AGAP1: variants seen among roughly 807,000 people sequenced by gnomAD.
AGAP1 encodes the protein ArfGAP with GTPase domain, ankyrin repeat and PH domain 1.
Under a neutral mutation model 105.3 loss-of-function variants are expected in AGAP1, and 29 were observed. That is an observed-to-expected ratio of 0.28 (90% CI 0.21 to 0.38). The LOEUF (loss-of-function observed/expected upper bound fraction) is 0.38, where lower values mean the gene tolerates loss of function less well. Among genes scored for constraint, AGAP1 ranks in the 10% least tolerant of loss-of-function variants. AGAP1 has a pLI of 1.00. For missense variants in AGAP1, 998 were observed against 1,165.1 expected (o/e 0.86, Z 2.09); for synonymous variants, 509 against 485.9 (o/e 1.05, Z -0.63).
At chr2:235,820,211 C>G (rs1281879777) in intron 9 of AGAP1, among the ~76,000 whole-genome samples, 4 of 152,092 alleles carry the variant, frequency 2.6e-5, no homozygotes, top group Non-Finnish European at 5.9e-5. Context: ...TTTTCTTCAC[C>G]AAAACAGATT....
chr2:235,913,412 A>G (rs1468125155), intron 11 of AGAP1, among the ~76,000 whole-genome samples: 1 of 152,214 alleles, frequency 6.6e-6, no homozygotes, highest in Non-Finnish European at 1.5e-5. Context: ...TTATTCAAAT[A>G]AATAATCAAC....
At position 235,787,912 on chromosome 2, in the gene AGAP1, C is replaced by T. The variant is rs185556380; in HGVS notation, c.674-9847C>T. ...AGCATTCTGGGACCAAGAGCCATGACCATGAGCATTCCGGGACCAAGAGCA... is the reference window on the plus strand; with the variant it reads ...AGCATTCTGGGACCAAGAGCCATGATCATGAGCATTCCGGGACCAAGAGCA... On this transcript the variant is annotated intron_variant, in intron 6 of 17. Transcript: ENST00000304032. This position sits in a 1 kb window ranked among gnomAD's most constrained non-coding sequence, Gnocchi z 4.4. 1.4e-3 allele frequency among the ~76,000 whole-genome samples: 212 copies of T among 152,134 alleles called. No homozygotes were observed. The highest frequency in any genetic ancestry group is 4.7e-3 in the African/African-American group (195 of 41,486).
chr2:235,997,215 G>A (rs185404849), intron 13 of AGAP1, among the ~76,000 whole-genome samples: 1 of 152,044 alleles, frequency 6.6e-6, no homozygotes, highest in Non-Finnish European at 1.5e-5. Flanking sequence ...TCAGCCTCCC[G>A]AGCAACTGGG....
chr2:235,702,656 A>G (rs1950309774), intron 1 of AGAP1, among the ~76,000 whole-genome samples: 1 of 152,140 alleles, frequency 6.6e-6, no homozygotes, highest in Admixed American at 6.5e-5. Flanking sequence ...TTTTTCATAC[A>G]CGTTTATGTG....
chr2:235,946,880 C>G (rs1056456488), intron 12 of AGAP1, among the ~76,000 whole-genome samples: 22 of 152,138 alleles, frequency 1.4e-4, no homozygotes, highest in African/African-American at 4.6e-4. Context: ...ACCCTTGTGT[C>G]CACCAAATAC....
In AGAP1 at chr2:235,695,938, G is replaced by A. The variant is rs113987811; in HGVS notation, c.164-13241G>A. On this transcript the variant is annotated intron_variant, in intron 1 of 17. Transcript: ENST00000304032. ...GTTTTATTCCCTTGGGTGCACCAGC[G>A]GAAGGTCTGTGCTGAGAACAGAGGA... Among the ~76,000 whole-genome samples, 573 of 152,246 alleles carry A rather than the reference G, an allele frequency of 3.8e-3. 3 individuals are homozygous for A. The highest frequency in any genetic ancestry group is 0.017 in the East Asian group (90 of 5,162).
intron 9 of AGAP1, among the ~76,000 whole-genome samples, chr2:235,817,362 A>G (rs1289340120): frequency 6.6e-6 from 1 of 152,038 alleles, no homozygotes; most frequent in Non-Finnish European, 1.5e-5. Context: ...AAGTCTTCAC[A>G]GTCCCCTTTT....
In AGAP1 at chr2:235,999,302, ATGGTGATGG is replaced by A. The variant is rs796300314; in HGVS notation, c.1645+30685_1645+30693del. On this transcript the variant is annotated intron_variant, in intron 13 of 17. Coordinates refer to ENST00000304032, the MANE Select transcript of AGAP1 (RefSeq NM_001037131.3). ...ACGATGCTGAGAGGTGGTGGTGGTG[ATGGTGATGG>A]TGGTGGTGGTGGTGGTGGTGATGAT... is the stretch of plus-strand genomic sequence containing the variant. Among the ~76,000 whole-genome samples, 90 of 39,422 alleles carry A rather than the reference ATGGTGATGG, an allele frequency of 2.3e-3. 1 individual carries two copies. In the South Asian group the frequency reaches 0.052, roughly 23 times the overall value. 25.9% of individuals were successfully genotyped at this position (39,422 alleles called of 152,430 possible).
chr2:235,968,773 G>A, intron 13 of AGAP1, 150 bp downstream of exon 13: 3 of 781,292 alleles, frequency 3.8e-6, no homozygotes, highest in Non-Finnish European at 6.0e-6. Flanking sequence ...GGTGGCACGA[G>A]AGGGCCCTTG....
In AGAP1 at chr2:235,660,608, G is replaced by T. The variant is rs1039844494; in HGVS notation, c.164-48571G>T. 1.3e-5 allele frequency among the ~76,000 whole-genome samples: 2 copies of T among 152,114 alleles called. No homozygotes were observed. The highest frequency in any genetic ancestry group is 2.9e-5 in the Non-Finnish European group (2 of 68,036). The stretch of plus-strand genomic sequence containing the variant: ...AAGAGCTTGGGGACTCCTGAGTCCA[G>T]CTCCCAGTGATGTGTAGAGTTGAGC... On this transcript the variant is annotated intron_variant, in intron 1 of 17. Transcript: ENST00000304032. This position sits in a 1 kb window ranked among gnomAD's most constrained non-coding sequence, Gnocchi z 5.3.
intron 1 of AGAP1, 50 bp from the exon 2 acceptor site, chr2:235,709,129 G>C: frequency 9.4e-6 from 15 of 1,591,302 alleles, no homozygotes; most frequent in Non-Finnish European, 1.3e-5. Context: ...ATTTTGACTT[G>C]GCCTTTACGT....
In AGAP1 at chr2:235,631,019, C is replaced by G. The variant is rs1476492809; in HGVS notation, c.164-78160C>G. On this transcript the variant is annotated intron_variant, in intron 1 of 17. Transcript: ENST00000304032. The surrounding 1 kb of genome is among the most constrained non-coding windows in gnomAD (Gnocchi z 5.4). Reference sequence around the variant, plus strand: ...ATTCTCTGGTAACTGTGAATCGTGTCGTAAAACGCGTCTTTGGCCTGTCAA... The same window carrying G: ...ATTCTCTGGTAACTGTGAATCGTGTGGTAAAACGCGTCTTTGGCCTGTCAA... Among the ~76,000 whole-genome samples the G allele has an allele frequency of 6.6e-6, 1 of 152,280 alleles. No individual in the cohort carries two copies. The highest frequency in any genetic ancestry group is 2.4e-5 in the African/African-American group (1 of 41,564).
rs1052763323 is a variant in AGAP1 at position 235,737,226 on chromosome 2, G to A, written c.311-3737G>A. 2.0e-5 allele frequency among the ~76,000 whole-genome samples: 3 copies of A among 152,086 alleles called. No homozygotes were observed. Among genetic ancestry groups the A allele is most frequent in the African/African-American group, 7.2e-5 (3 of 41,394 alleles). On this transcript the variant is annotated intron_variant, in intron 3 of 17. Coordinates refer to ENST00000304032, the MANE Select transcript of AGAP1 (RefSeq NM_001037131.3). The surrounding 1 kb of genome is among the most constrained non-coding windows in gnomAD (Gnocchi z 4.5). The stretch of plus-strand genomic sequence containing the variant: ...TCTTATTATTCACCTTTGAGTTCGT[G>A]GCAAATACTTAGCAGTATTTAATTT...
chr2:235,707,149 C>T (rs899677883), intron 1 of AGAP1, among the ~76,000 whole-genome samples: 1 of 152,232 alleles, frequency 6.6e-6, no homozygotes, highest in Non-Finnish European at 1.5e-5. Context: ...AGTAGAGGGG[C>T]AGTGACTGGA....
Position 235,906,582 on chromosome 2 carries a change from T to C in AGAP1, c.1156-2156T>C, listed in dbSNP as rs1438423491. Among the ~76,000 whole-genome samples, 1 of 152,210 alleles carries C rather than the reference T, an allele frequency of 6.6e-6. No individual in the cohort carries two copies. The highest frequency in any genetic ancestry group is 1.5e-5 in the Non-Finnish European group (1 of 68,044). On this transcript the variant is annotated intron_variant, in intron 10 of 17. Transcript: ENST00000304032. This position sits in a 1 kb window ranked among gnomAD's most constrained non-coding sequence, Gnocchi z 5.3. ...CGCCCGTCCTGCCGTTGAGAATTCC[T>C]GCACCCTTTTCCCTTGAGTCTGGTT...
rs2059911664 is a variant in AGAP1 at position 236,122,000 on chromosome 2, G to A, written c.2370+1553G>A. Among the ~76,000 whole-genome samples the A allele has an allele frequency of 6.8e-6, 1 of 147,602 alleles. No homozygotes were observed. Among genetic ancestry groups the A allele is most frequent in the South Asian group, 2.1e-4 (1 of 4,686 alleles). On this transcript the variant is annotated intron_variant, in intron 17 of 17. Transcript: ENST00000304032. This position sits in a 1 kb window ranked among gnomAD's most constrained non-coding sequence, Gnocchi z 4.9. ...AAAGTCTTGCTCTGTCGTCCAGGCT[G>A]GAGTGCAGTGGCACAATCATAGCCC...
intron 2 of AGAP1, among the ~76,000 whole-genome samples, chr2:235,715,881 G>T (rs1224950938): frequency 6.6e-6 from 1 of 152,126 alleles, no homozygotes; most frequent in Non-Finnish European, 1.5e-5. Context: ...GAGAGGCTGG[G>T]TGTGATGTGG....
chr2:235,637,400 G>C (rs749303738), intron 1 of AGAP1, among the ~76,000 whole-genome samples: 1 of 151,986 alleles, frequency 6.6e-6, no homozygotes, highest in African/African-American at 2.4e-5. Flanking sequence ...AGCCCCGCAA[G>C]TGACTAGGAC....
At chr2:235,838,044 G>T (rs1960370258) in intron 9 of AGAP1, among the ~76,000 whole-genome samples, 1 of 152,106 alleles carries the variant, frequency 6.6e-6, no homozygotes, top group Non-Finnish European at 1.5e-5. Flanking sequence ...AACTTAGCTG[G>T]GCGTCGTGGT....
Sources: allele counts gnomAD v4.1 joint callset (sites outside exome capture counted in the v4.1 genomes callset), GRCh38; gene constraint gnomAD v4.1.1; non-coding constraint Gnocchi (gnomAD v3.1); transcripts MANE v1.5; gene names NCBI Gene and HGNC (gene_info 2026-07-23, HGNC 2026-07-21).